LIMA1: variants seen among roughly 807,000 people sequenced by gnomAD.
LIMA1 encodes the protein LIM domain and actin-binding protein 1.
Under a neutral mutation model 62.6 loss-of-function variants are expected in LIMA1, and 52 were observed. That is an observed-to-expected ratio of 0.83 (90% CI 0.67 to 1.05). LIMA1 has a LOEUF of 1.05. Among genes scored for constraint, LIMA1 ranks in the 50% least tolerant of loss-of-function variants. The pLI is 0.00. For missense variants in LIMA1, 780 were observed against 902.2 expected, an observed-to-expected ratio of 0.86 and a Z score of 1.74; for synonymous variants, 302 against 317.8, an observed-to-expected ratio of 0.95 and a Z score of 0.53.
At chr12:50,207,145 G>A (rs1265681937) in intron 4 of LIMA1, among the ~76,000 whole-genome samples, 3 of 152,044 alleles carry the variant, frequency 2.0e-5, no homozygotes, top group South Asian at 4.2e-4. Context: ...GGCTGGTCTC[G>A]AACTCCTGAC....
intron 1 of LIMA1, among the ~76,000 whole-genome samples, chr12:50,250,110 C>G (rs1256537747): frequency 1.3e-5 from 2 of 151,624 alleles, no homozygotes; most frequent in Non-Finnish European, 2.9e-5. Flanking sequence ...ACCAGCCTGA[C>G]CAACATGGTG....
At chr12:50,219,011 GGTCTCATTTCAAAAAGTA>G (rs1207938549) in intron 4 of LIMA1, among the ~76,000 whole-genome samples, 1 of 151,800 alleles carries the variant, frequency 6.6e-6, no homozygotes, top group African/African-American at 2.4e-5. Flanking sequence ...ACTATGTTCT[GGTCTCATTTCAAAAAGTA>G]TAAACACACT....
intron 4 of LIMA1, among the ~76,000 whole-genome samples, chr12:50,213,054 C>T (rs974471345): frequency 6.6e-6 from 1 of 152,054 alleles, no homozygotes; most frequent in African/African-American, 2.4e-5. Context: ...ACCTCAAGTG[C>T]TGGGATTACA....
intron 1 of LIMA1, among the ~76,000 whole-genome samples, chr12:50,260,793 T>C (rs1450219929): frequency 6.6e-6 from 1 of 151,864 alleles, no homozygotes; most frequent in Non-Finnish European, 1.5e-5. Flanking sequence ...CTATATAAAA[T>C]GCCTAACACA....
chr12:50,228,918 T>C (rs929628277), intron 3 of LIMA1, among the ~76,000 whole-genome samples: 1 of 152,216 alleles, frequency 6.6e-6, no homozygotes, highest in African/African-American at 2.4e-5. Context: ...AGATGGGGTC[T>C]GCTATATTGC....
chr12:50,214,622 C>T lies in LIMA1; in HGVS notation c.630+7399G>A, dbSNP rs550253386. ...AGGAGTTCAAGACCAGCCTGACCCA[C>T]ACGGTGAAACCCAGTCTCTACTAAA... On this transcript the variant is annotated intron_variant, in intron 4 of 10. Transcript: ENST00000341247. 3.9e-5 allele frequency among the ~76,000 whole-genome samples: 6 copies of T among 152,352 alleles called. No individual in the cohort carries two copies. The East Asian group carries it at 1.2e-3, about 29-fold the overall frequency.
intron 1 of LIMA1, among the ~76,000 whole-genome samples, chr12:50,282,268 G>A (rs1190135528): frequency 6.6e-6 from 1 of 152,136 alleles, no homozygotes; most frequent in Non-Finnish European, 1.5e-5. Flanking sequence ...AAGGATTGGT[G>A]TTATTTCATG....
chr12:50,224,638 C>A (rs1026197394), intron 3 of LIMA1, among the ~76,000 whole-genome samples: 4 of 152,154 alleles, frequency 2.6e-5, no homozygotes, highest in African/African-American at 9.7e-5. Context: ...TCTCAGATAC[C>A]TATCATGTGA....
At chr12:50,243,819 A>G (rs768612965) in intron 2 of LIMA1, among the ~76,000 whole-genome samples, 1 of 152,230 alleles carries the variant, frequency 6.6e-6, no homozygotes, top group Non-Finnish European at 1.5e-5. Flanking sequence ...TCAGCAGGTT[A>G]CTTCCTTTAC....
At chr12:50,206,273 T>C (rs1037926866) in intron 4 of LIMA1, among the ~76,000 whole-genome samples, 1 of 152,184 alleles carries the variant, frequency 6.6e-6, no homozygotes, top group Non-Finnish European at 1.5e-5. Context: ...ATAGGTAATA[T>C]TCTCTGCTAA....
intron 2 of LIMA1, among the ~76,000 whole-genome samples, chr12:50,242,806 CCTGGGATCTGGGA>C (rs1236631959): frequency 3.9e-5 from 6 of 152,082 alleles, no homozygotes; most frequent in Admixed American, 6.6e-5. Flanking sequence ...AAGAGCTGGG[CCTGGGATCTGGGA>C]CTGGGATCTG....
intron 2 of LIMA1, among the ~76,000 whole-genome samples, chr12:50,233,810 C>T (rs1941648167): frequency 6.6e-6 from 1 of 152,154 alleles, no homozygotes; most frequent in African/African-American, 2.4e-5. Context: ...AAGGCTTGAG[C>T]CACAGCACAC....
intron 4 of LIMA1, among the ~76,000 whole-genome samples, chr12:50,214,944 A>C (rs1359089168): frequency 6.6e-6 from 1 of 152,244 alleles, no homozygotes; most frequent in Non-Finnish European, 1.5e-5. Flanking sequence ...GAACACATAC[A>C]ATTATTAACT....
intron 7 of LIMA1, 59 bp from the exon 8 acceptor site, chr12:50,195,946 A>G: frequency 6.6e-7 from 1 of 1,506,786 alleles, no homozygotes; most frequent in African/African-American, 1.4e-5. Flanking sequence ...ATTAAAAATA[A>G]AAGAGCAAAC....
intron 6 of LIMA1, 185 bp downstream of exon 6, chr12:50,204,367 A>G (rs1332541976): frequency 2.1e-5 from 12 of 584,274 alleles, no homozygotes; most frequent in Non-Finnish European, 3.2e-5. Flanking sequence ...CTAAGAAAGC[A>G]AAGTCAGGAT....
At chr12:50,273,286 A>G (rs572576401) in intron 1 of LIMA1, among the ~76,000 whole-genome samples, 1 of 152,196 alleles carries the variant, frequency 6.6e-6, no homozygotes, top group African/African-American at 2.4e-5. Flanking sequence ...TACTGTTTCA[A>G]TTGAATTTTA....
intron 4 of LIMA1, among the ~76,000 whole-genome samples, chr12:50,218,534 C>T (rs1328072422): frequency 6.6e-6 from 1 of 152,154 alleles, no homozygotes; most frequent in Non-Finnish European, 1.5e-5. Flanking sequence ...GTAAACACTT[C>T]CCATGGCGTG....
At chr12:50,189,414 T>C (rs945907168) in intron 9 of LIMA1, 6 of 152,050 alleles carry the variant, frequency 3.9e-5, no homozygotes, top group Non-Finnish European at 7.3e-5. Context: ...TGAGCATGAG[T>C]TGGGAGCAGC....
chr12:50,236,734 CCACACACACACA>C (rs145408139), intron 2 of LIMA1, among the ~76,000 whole-genome samples: 8 of 149,406 alleles, frequency 5.4e-5, no homozygotes, highest in African/African-American at 1.7e-4. Flanking sequence ...CTCCTTAAAA[CCACACACACACA>C]CACACACACG....
Sources: gnomAD v4.1 joint callset for allele counts (sites outside exome capture counted in the v4.1 genomes callset) on GRCh38, gnomAD v4.1.1 for gene constraint, MANE v1.5 for transcripts, NCBI Gene and HGNC (gene_info 2026-07-23, HGNC 2026-07-21) for gene names.